FOXP1: variants seen among roughly 807,000 people sequenced by gnomAD.
FOXP1 encodes forkhead box P1.
In FOXP1, 15 loss-of-function variants were observed where a neutral mutation model predicts 98.2. The ratio of observed to expected loss-of-function variants is 0.15; its 90% CI spans 0.10 to 0.24. The LOEUF (loss-of-function observed/expected upper bound fraction) is 0.24, where lower values mean the gene tolerates loss of function less well. Among genes scored for constraint, FOXP1 ranks in the 10% least tolerant of loss-of-function variants. The pLI is 1.00. For synonymous variants in FOXP1, 371 were observed against 314.5 expected (o/e 1.18, Z -1.90); for missense variants, 633 against 848.5 (o/e 0.75, Z 3.15).
At chr3:71,393,008 T>C (rs2081141024) in intron 3 of FOXP1, among the ~76,000 whole-genome samples, 1 of 152,108 alleles carries the variant, frequency 6.6e-6, no homozygotes, top group South Asian at 2.1e-4. Context: ...AGCCTGATAA[T>C]TTACTAATGA....
At chr3:71,286,358 G>C (rs893024832) in intron 5 of FOXP1, among the ~76,000 whole-genome samples, 1 of 144,334 alleles carries the variant, frequency 6.9e-6, no homozygotes, top group African/African-American at 2.6e-5. Flanking sequence ...AACACAGGGA[G>C]CCTCATAGAA....
chr3:71,507,025 T>C (rs2041873730), intron 2 of FOXP1, among the ~76,000 whole-genome samples: 1 of 152,202 alleles, frequency 6.6e-6, no homozygotes, highest in Non-Finnish European at 1.5e-5. Context: ...TCATCTTTGC[T>C]TGGACCACAC....
chr3:71,467,355 A>C (rs1054757854), intron 3 of FOXP1, among the ~76,000 whole-genome samples: 1 of 152,202 alleles, frequency 6.6e-6, no homozygotes, highest in African/African-American at 2.4e-5. Flanking sequence ...TTGTTGGATG[A>C]TTGGATGGGT....
intron 7 of FOXP1, among the ~76,000 whole-genome samples, chr3:71,071,885 T>TAACAAC (rs550610968): frequency 1.1e-4 from 17 of 152,072 alleles, no homozygotes; most frequent in Non-Finnish European, 2.2e-4. Flanking sequence ...CTCTGTAGTT[T>TAACAAC]AACAACAACA....
At chr3:71,065,029 C>A (rs1212567985) in intron 7 of FOXP1, 2 of 143,770 alleles carry the variant, frequency 1.4e-5, no homozygotes, top group African/African-American at 5.0e-5. Flanking sequence ...AAACACCCCG[C>A]GCCGCGCCGC....
At chr3:71,168,174 C>T (rs767482672) in intron 6 of FOXP1, among the ~76,000 whole-genome samples, 13 of 152,046 alleles carry the variant, frequency 8.6e-5, no homozygotes, top group Admixed American at 7.9e-4. Flanking sequence ...CTTAAATTAC[C>T]GAATTTCGCA....
chr3:71,363,670 A>C (rs1284694725), intron 3 of FOXP1, among the ~76,000 whole-genome samples: 1 of 152,202 alleles, frequency 6.6e-6, no homozygotes, highest in East Asian at 1.9e-4. Flanking sequence ...TGTCCTCCAT[A>C]ATAATACAAG....
chr3:71,258,200 C>T (rs529699806), intron 5 of FOXP1, among the ~76,000 whole-genome samples: 28 of 152,124 alleles, frequency 1.8e-4, no homozygotes, highest in Middle Eastern at 3.2e-3. Flanking sequence ...AATACAAACA[C>T]ACACTTGTGG....
chr3:70,990,468 C>G (rs990599401), intron 13 of FOXP1, among the ~76,000 whole-genome samples: 1 of 146,492 alleles, frequency 6.8e-6, no homozygotes, highest in African/African-American at 2.6e-5. Context: ...GCTCACCATC[C>G]CCATCAATTT....
chr3:71,003,249 T>C (rs1456257694), intron 12 of FOXP1, among the ~76,000 whole-genome samples: 1 of 152,102 alleles, frequency 6.6e-6, no homozygotes, highest in Non-Finnish European at 1.5e-5. Context: ...CTACAAGGGG[T>C]TGAAGATAAT....
At chr3:71,372,234 G>A (rs1245558747) in intron 3 of FOXP1, among the ~76,000 whole-genome samples, 1 of 150,240 alleles carries the variant, frequency 6.7e-6, no homozygotes, top group East Asian at 2.0e-4. Flanking sequence ...GTTAGTCAAG[G>A]TGGTCTCGAA....
At chr3:71,293,200 G>C (rs1352758645) in intron 5 of FOXP1, among the ~76,000 whole-genome samples, 1 of 152,166 alleles carries the variant, frequency 6.6e-6, no homozygotes, top group Admixed American at 6.5e-5. Flanking sequence ...TCTGTGGTAC[G>C]TCGTTAAGTT....
intron 1 of FOXP1, 174 bp from the exon 2 acceptor site, chr3:71,581,871 C>T: frequency 1.0e-6 from 1 of 985,540 alleles, no homozygotes; most frequent in African/African-American, 1.7e-5. Context: ...CTCAGGGAAT[C>T]CCTGCAAGGA....
chr3:71,210,405 C>A (rs913431085), intron 5 of FOXP1, among the ~76,000 whole-genome samples: 10 of 152,180 alleles, frequency 6.6e-5, no homozygotes, highest in Non-Finnish European at 1.3e-4. Flanking sequence ...GTCCCTGAGG[C>A]CTCGACAATG....
intron 20 of FOXP1, among the ~76,000 whole-genome samples, chr3:70,964,945 T>C (rs988014657): frequency 6.6e-6 from 1 of 152,202 alleles, no homozygotes; most frequent in Admixed American, 6.5e-5. Flanking sequence ...TTCCGATCAC[T>C]TAAATTATCT....
chr3:71,360,691 T>C (rs1420298132), intron 3 of FOXP1: 1 of 151,924 alleles, frequency 6.6e-6, no homozygotes, highest in East Asian at 1.9e-4. Context: ...AATGGAACTA[T>C]AGAATGGGTA....
intron 6 of FOXP1, among the ~76,000 whole-genome samples, chr3:71,190,819 T>A (rs1489962885): frequency 6.6e-6 from 1 of 152,048 alleles, no homozygotes; most frequent in Non-Finnish European, 1.5e-5. Flanking sequence ...GGGGAGATAA[T>A]GTGGCTCTAT....
chr3:71,565,844 AG>A (rs1301106064), intron 2 of FOXP1, among the ~76,000 whole-genome samples: 2 of 152,208 alleles, frequency 1.3e-5, no homozygotes, highest in African/African-American at 4.8e-5. Context: ...AAAATAAGGT[AG>A]GGGGTAACGC....
intron 4 of FOXP1, among the ~76,000 whole-genome samples, chr3:71,309,023 C>T (rs2074503312): frequency 6.6e-6 from 1 of 152,154 alleles, no homozygotes; most frequent in Non-Finnish European, 1.5e-5. Flanking sequence ...CCCTAACCCA[C>T]TCTCACTCAA....
Sources: allele counts gnomAD v4.1 joint callset (sites outside exome capture counted in the v4.1 genomes callset), GRCh38; gene constraint gnomAD v4.1.1; transcripts MANE v1.5; gene names NCBI Gene and HGNC (gene_info 2026-07-23, HGNC 2026-07-21).